Variants in CAMTA1 observed in about 807,000 individuals in gnomAD.
CAMTA1 encodes calmodulin-binding transcription activator 1.
CAMTA1 carries 27 observed loss-of-function variants against 170.9 expected under a neutral mutation model. That is an observed-to-expected ratio of 0.16 (90% confidence interval 0.12 to 0.22). The LOEUF is 0.22. CAMTA1 is among the 10% of genes least tolerant of loss of function. CAMTA1 has a pLI of 1.00. For synonymous variants in CAMTA1, 833 were observed against 891.5 expected (o/e 0.93, Z 1.17); for missense variants, 1,619 against 2,217.2 (o/e 0.73, Z 5.42).
rs531180072 is a variant in CAMTA1 at position 6,984,620 on chromosome 1, A to G, written c.235-106684A>G. Among the ~76,000 whole-genome samples, 2 of 146,662 alleles carry G rather than the reference A, an allele frequency of 1.4e-5. 1 individual carries two copies. The highest frequency in any genetic ancestry group is 1.3e-4 in the Admixed American group (2 of 14,952). ...ACAGTGAGACTCCATCTTAAAAAAGAAAATACTCACAAAAAACAACAAAGA... is the reference window on the plus strand; with the variant it reads ...ACAGTGAGACTCCATCTTAAAAAAGGAAATACTCACAAAAAACAACAAAGA... On this transcript the variant is annotated intron_variant, in intron 3 of 22. Coordinates refer to ENST00000303635, the MANE Select transcript of CAMTA1 (RefSeq NM_015215.4).
chr1:6,940,941 C>A, intron 3 of CAMTA1, among the ~76,000 whole-genome samples: 1 of 3,922 alleles, frequency 2.5e-4, no homozygotes. Flanking sequence ...AGGGGATCCT[C>A]AGGGGGAGGG....
chr1:7,153,361 C>T (rs1646686662), intron 4 of CAMTA1, among the ~76,000 whole-genome samples: 1 of 152,048 alleles, frequency 6.6e-6, no homozygotes, highest in African/African-American at 2.4e-5. Flanking sequence ...CATTTGAGGT[C>T]ACTGTGTAAA....
intron 3 of CAMTA1, among the ~76,000 whole-genome samples, chr1:7,034,588 C>G (rs902195359): frequency 2.6e-5 from 4 of 152,194 alleles, no homozygotes; most frequent in African/African-American, 4.8e-5. Context: ...GTGTCTTTTT[C>G]CAACACTCTG....
At chr1:7,419,619 C>T (rs2091428845) in intron 5 of CAMTA1, among the ~76,000 whole-genome samples, 1 of 152,162 alleles carries the variant, frequency 6.6e-6, no homozygotes, top group African/African-American at 2.4e-5. Context: ...CTGGGCCTGG[C>T]CTCTGCCCCT....
chr1:7,757,095 T>A (rs1320477986), intron 22 of CAMTA1, among the ~76,000 whole-genome samples: 2 of 152,222 alleles, frequency 1.3e-5, no homozygotes, highest in Non-Finnish European at 2.9e-5. Context: ...AAGGTCATAG[T>A]TCAAAAAATC....
intron 3 of CAMTA1, among the ~76,000 whole-genome samples, chr1:6,913,498 G>C (rs577354584): frequency 6.6e-6 from 1 of 152,168 alleles, no homozygotes; most frequent in Non-Finnish European, 1.5e-5. Context: ...GACCCCCTGC[G>C]TGGGGTACCT....
At chr1:7,472,578 A>G (rs2093352073) in intron 6 of CAMTA1, among the ~76,000 whole-genome samples, 1 of 152,128 alleles carries the variant, frequency 6.6e-6, no homozygotes, top group South Asian at 2.1e-4. Context: ...TTTATAGATG[A>G]GGCATTTGAG....
chr1:7,703,679 G>T (rs2096467147), intron 11 of CAMTA1, among the ~76,000 whole-genome samples: 1 of 152,138 alleles, frequency 6.6e-6, no homozygotes, highest in Non-Finnish European at 1.5e-5. Context: ...ATAATTGACT[G>T]TATCTATATA....
intron 3 of CAMTA1, among the ~76,000 whole-genome samples, chr1:6,907,257 C>T (rs1397563892): frequency 2.6e-5 from 4 of 152,202 alleles, no homozygotes; most frequent in Admixed American, 2.0e-4. Context: ...AGTCGCCAGA[C>T]ATCTGGGCTC....
chr1:7,150,272 G>A (rs1274076520), intron 4 of CAMTA1, among the ~76,000 whole-genome samples: 3 of 152,206 alleles, frequency 2.0e-5, no homozygotes, highest in African/African-American at 7.2e-5. Flanking sequence ...CCGGCAGGTG[G>A]GCACAGGCCC....
intron 3 of CAMTA1, among the ~76,000 whole-genome samples, chr1:6,995,663 T>C (rs1697146533): frequency 1.3e-5 from 2 of 152,210 alleles, no homozygotes; most frequent in Admixed American, 1.3e-4. Context: ...TATTCAAGTA[T>C]GGTGTGACTA....
chr1:7,673,008 A>T lies in CAMTA1; in HGVS notation c.2779+1971A>T, dbSNP rs568346353. 6.6e-6 allele frequency among the ~76,000 whole-genome samples: 1 copy of T among 152,172 alleles called. No homozygotes were observed. Among genetic ancestry groups the T allele is most frequent in the Non-Finnish European group, 1.5e-5 (1 of 68,028 alleles). On this transcript the variant is annotated intron_variant, in intron 10 of 22. Coordinates refer to ENST00000303635, the MANE Select transcript of CAMTA1 (RefSeq NM_015215.4). The surrounding 1 kb of genome is among the most constrained non-coding windows in gnomAD (Gnocchi z 4.6). ...CCTATCACAGCTCAGGGCTGTGTGC[A>T]GCTGATGGGACCCCGGCCCGGCGGG...
At chr1:6,888,171 T>C in intron 3 of CAMTA1, 1 of 980,468 alleles carries the variant, frequency 1.0e-6, no homozygotes. Context: ...GCTGACACAG[T>C]GCAGAGTCTA....
chr1:7,489,876 C>T lies in CAMTA1; in HGVS notation c.510+21975C>T, dbSNP rs566981913. ...GTCCCCACTCCTCCATGTCTGGCCC[C>T]GAGCAGACGGGGTGACTGGCTACTG... On this transcript the variant is annotated intron_variant, in intron 6 of 22. Transcript: ENST00000303635. Among the ~76,000 whole-genome samples, 4 of 152,260 alleles carry T rather than the reference C, an allele frequency of 2.6e-5. No homozygotes were observed. In the East Asian group the frequency reaches 5.8e-4, roughly 22 times the overall value.
chr1:6,901,509 ACTTTAAAAC>A (rs767875461), intron 3 of CAMTA1, among the ~76,000 whole-genome samples: 115 of 152,354 alleles, frequency 7.5e-4, no homozygotes, highest in Admixed American at 2.4e-3. Flanking sequence ...TGTATGAAGA[ACTTTAAAAC>A]CTTTAAAAAC....
intron 2 of CAMTA1, among the ~76,000 whole-genome samples, chr1:6,822,827 A>AAAC (rs1557630396): frequency 1.6e-4 from 21 of 130,436 alleles, no homozygotes; most frequent in Non-Finnish European, 8.4e-5. Context: ...CACACACACA[A>AAAC]ACACACACAC....
At chr1:6,925,667 A>G (rs1484739132) in intron 3 of CAMTA1, among the ~76,000 whole-genome samples, 3 of 152,134 alleles carry the variant, frequency 2.0e-5, no homozygotes, top group Admixed American at 6.5e-5. Context: ...AGGCTGGACT[A>G]TTGAGCCCCA....
intron 4 of CAMTA1, among the ~76,000 whole-genome samples, chr1:7,182,780 A>G (rs1162237533): frequency 2.6e-5 from 4 of 152,266 alleles, no homozygotes; most frequent in African/African-American, 9.6e-5. Context: ...GGCACAAGAC[A>G]TGAAAGATAA....
intron 6 of CAMTA1, among the ~76,000 whole-genome samples, chr1:7,485,632 A>C (rs1309942583): frequency 6.6e-6 from 1 of 152,182 alleles, no homozygotes; most frequent in Non-Finnish European, 1.5e-5. Context: ...GGGTGAGTCC[A>C]GGAGAGCCCC....
Sources: allele counts gnomAD v4.1 joint callset (sites outside exome capture counted in the v4.1 genomes callset), GRCh38; gene constraint gnomAD v4.1.1; non-coding constraint Gnocchi (gnomAD v3.1); transcripts MANE v1.5; gene names NCBI Gene and HGNC (gene_info 2026-07-23, HGNC 2026-07-21).